PRDM13: variants seen among roughly 807,000 people sequenced by gnomAD.
PRDM13 encodes PR/SET domain 13, also known as PR domain zinc finger protein 13.
PRDM13 carries 15 observed loss-of-function variants against 36.4 expected under a neutral mutation model. The observed-to-expected ratio is 0.41, with a 90% CI of 0.28 to 0.64. The LOEUF (loss-of-function observed/expected upper bound fraction) is 0.64, where lower values mean the gene tolerates loss of function less well. Ranked by LOEUF, PRDM13 falls within the 30% of genes least tolerant of loss-of-function variation. PRDM13 has a pLI of 0.29. For synonymous variants in PRDM13, 531 were observed against 467.7 expected (o/e 1.14, Z -1.75); for missense variants, 1,044 against 1,013.5 (o/e 1.03, Z -0.41).
chr6:99,612,895 G>C, intron 3 of PRDM13, 138 bp from the exon 4 acceptor site: 2 of 1,464,558 alleles, frequency 1.4e-6, no homozygotes, highest in Non-Finnish European at 1.8e-6. Flanking sequence ...CGATACAGTA[G>C]GGCTACCGAA....
chr6:99,613,814 C>A lies in PRDM13; in HGVS notation c.1179C>A (p.Ser393=), dbSNP rs1251051743. The A allele has an allele frequency of 5.3e-6, 8 of 1,510,524 alleles. No homozygotes were observed. The highest frequency in any genetic ancestry group is 1.4e-5 in the African/African-American group (1 of 69,184). The allele number at this position is 1,510,524 out of a possible 1,614,324, so 93.6% of individuals were successfully genotyped here. A position where few individuals can be genotyped will look rare whatever the true frequency, so the allele number is the denominator to read the frequency against. The change falls in exon 4 of 4, where the codon TCC becomes TCA. Residue 393 remains serine (S), a synonymous_variant. Coordinates refer to ENST00000369215, the MANE Select transcript of PRDM13 (RefSeq NM_021620.4). This position sits in a 1 kb window ranked among gnomAD's most constrained non-coding sequence, Gnocchi z 6.1. ...CCCTGCGCGGCTTCCCTCTGCTCTCCGTCCCCCCGGAAGAGGCGTCCGCCT... is the reference window on the plus strand; with the variant it reads ...CCCTGCGCGGCTTCCCTCTGCTCTCAGTCCCCCCGGAAGAGGCGTCCGCCT... ...SGALRGFPLL[S]VPPEEASAFK...
rs897314122 is a variant in PRDM13, at chr6:99,609,263, G to T, written c.353G>T (p.Trp118Leu). ...TGGTATTCTAACTCCTTGGCTCAGT[G>T]GTTCGACATCCCCACCACAGCGACT... is the stretch of plus-strand genomic sequence containing the variant. ...TVWYSNSLAQ[W>L]FDIPTTATPT... The change falls in exon 3 of 4, where the codon TGG (tryptophan) becomes TTG (leucine). Residue 118 changes from tryptophan to leucine, a missense_variant. Coordinates refer to ENST00000369215, the MANE Select transcript of PRDM13 (RefSeq NM_021620.4). The T allele has an allele frequency of 3.1e-6, 5 of 1,613,908 alleles. No homozygotes were observed. Among genetic ancestry groups the T allele is most frequent in the African/African-American group, 1.3e-5 (1 of 74,882 alleles).
In PRDM13 at chr6:99,613,094, G is replaced by A. The variant is rs1324830792; in HGVS notation, c.459G>A (p.Lys153=). Reference sequence around the variant, plus strand: ...CGTTTAGATACCCCAACAGCCTTAAGGCACACCTGCGTTTCCACTGCGTGT... The same window carrying A: ...CGTTTAGATACCCCAACAGCCTTAAAGCACACCTGCGTTTCCACTGCGTGT... The part of the protein sequence containing the change: ...WRTFRYPNSL[K]AHLRFHCVFS... The change falls in exon 4 of 4, where the codon AAG becomes AAA. Residue 153 remains lysine (K), a synonymous_variant. Coordinates refer to ENST00000369215, the MANE Select transcript of PRDM13 (RefSeq NM_021620.4). This position sits in a 1 kb window ranked among gnomAD's most constrained non-coding sequence, Gnocchi z 6.1. 6.2e-7 allele frequency: 1 copy of A among 1,612,062 alleles called. No homozygotes were observed. Among genetic ancestry groups the A allele is most frequent in the South Asian group, 1.1e-5 (1 of 91,012 alleles).
chr6:99,607,331 T>G, intron 1 of PRDM13, 153 bp downstream of exon 1: 1 of 1,155,138 alleles, frequency 8.7e-7, no homozygotes, highest in Non-Finnish European at 1.2e-6. Flanking sequence ...TCTGAGCAAG[T>G]AGCCTCTTTA....
chr6:99,614,690 C>T lies in PRDM13; in HGVS notation c.2055C>T (p.Asp685=), dbSNP rs371900807. The change falls in exon 4 of 4, where the codon GAC becomes GAT. Residue 685 remains aspartate (D), a synonymous_variant. Coordinates refer to ENST00000369215, the MANE Select transcript of PRDM13 (RefSeq NM_021620.4). ...EPGDPKSDDS[D]VDVCFTDDQS... is the part of the protein sequence containing the mutation. ...GGGATCCCAAGAGCGACGACAGTGA[C>T]GTGGACGTCTGCTTCACAGACGACC... 3 of 1,609,328 alleles carry T rather than the reference C, an allele frequency of 1.9e-6. No individual in the cohort carries two copies. The highest frequency in any genetic ancestry group is 2.2e-5 in the East Asian group (1 of 44,812).
rs1770098430 is a variant in PRDM13 at position 99,614,524 on chromosome 6, A to G, written c.1889A>G (p.Tyr630Cys). The change falls in exon 4 of 4, where the codon TAC becomes TGC. Residue 630 changes from tyrosine to cysteine, a missense_variant. Transcript: ENST00000369215. ...CTGCACGCCGAGGGCAATACGCCCT[A>G]CCGCTGCGAGTTCTGCGGCAAGGTA... ...IRLHAEGNTP[Y>C]RCEFCGKVLV... is the part of the protein sequence containing the mutation. 6.2e-7 allele frequency: 1 copy of G among 1,613,040 alleles called. No individual in the cohort carries two copies. The highest frequency in any genetic ancestry group is 1.7e-5 in the Admixed American group (1 of 60,010).
chr6:99,607,904 A>G lies in PRDM13; in HGVS notation c.144+726A>G, dbSNP rs527957670. Reference sequence around the variant, plus strand: ...TAGCTTTGACTCCCACACTCCACACACCGTCGCGACCCCTGACCAGAGAGA... The same window carrying G: ...TAGCTTTGACTCCCACACTCCACACGCCGTCGCGACCCCTGACCAGAGAGA... On this transcript the variant is annotated intron_variant, in intron 1 of 3. Coordinates refer to ENST00000369215, the MANE Select transcript of PRDM13 (RefSeq NM_021620.4). Among the ~76,000 whole-genome samples, 285 of 152,266 alleles carry G rather than the reference A, an allele frequency of 1.9e-3. 1 individual carries two copies. Among genetic ancestry groups the G allele is most frequent in the Non-Finnish European group, 1.9e-3 (128 of 68,020 alleles).
rs1770067815 is a variant in PRDM13 at position 99,613,491 on chromosome 6, G to C, written c.856G>C (p.Ala286Pro). 3.9e-6 allele frequency: 6 copies of C among 1,528,584 alleles called. No individual in the cohort carries two copies. Among genetic ancestry groups the C allele is most frequent in the Non-Finnish European group, 5.2e-6 (6 of 1,146,466 alleles). 94.7% of individuals were successfully genotyped at this position (1,528,584 alleles called of 1,614,324 possible). ...CTCCTCGGCGGGGGTCGGCAGCCTG[G>C]CTTTCTACCCCGGCGTGCGCTCAGC... Reference protein sequence around the residue: ...GGSSAGVGSLAFYPGVRSAFK... With the variant: ...GGSSAGVGSLPFYPGVRSAFK... Residue 286 changes from alanine to proline, a missense_variant, in exon 4 of 4, where the codon GCT becomes CCT. Physicochemically the swap from Ala to Pro is conservative, Grantham distance 27 (BLOSUM62 -1). This residue lies in a region of PRDM13 where 921 missense variants were observed against 865.2 expected (regional missense o/e 1.06). Coordinates refer to ENST00000369215, the MANE Select transcript of PRDM13 (RefSeq NM_021620.4). The surrounding 1 kb of genome is among the most constrained non-coding windows in gnomAD (Gnocchi z 6.1).
At chr6:99,610,383 T>C (rs534954334) in intron 3 of PRDM13, among the ~76,000 whole-genome samples, 3 of 152,230 alleles carry the variant, frequency 2.0e-5, no homozygotes, top group Non-Finnish European at 4.4e-5. Context: ...TCTTTGACAA[T>C]TGTCTGTAAT....
chr6:99,609,015 A>G, intron 2 of PRDM13, 143 bp downstream of exon 2: 1 of 1,395,452 alleles, frequency 7.2e-7, no homozygotes, highest in Non-Finnish European at 9.6e-7. Context: ...CCTTTAAGGT[A>G]GTTACTATTG....
chr6:99,611,837 T>A (rs1470892625), intron 3 of PRDM13, among the ~76,000 whole-genome samples: 1 of 152,238 alleles, frequency 6.6e-6, no homozygotes, highest in Non-Finnish European at 1.5e-5. Context: ...AACTAACTTC[T>A]TTCTCAGACA....
At position 99,614,793 on chromosome 6, in the gene PRDM13, G is replaced by A. The variant is rs749953676; in HGVS notation, c.*34G>A. 2 of 1,527,450 alleles carry A rather than the reference G, an allele frequency of 1.3e-6. No individual in the cohort carries two copies. The highest frequency in any genetic ancestry group is 1.8e-6 in the Non-Finnish European group (2 of 1,140,864). 94.6% of individuals were successfully genotyped at this position (1,527,450 alleles called of 1,614,324 possible). A position where few individuals can be genotyped will look rare whatever the true frequency, so the allele number is the denominator to read the frequency against. ...CCCGGGAAGGGGCGGGGTGAGGACA[G>A]AGAGGAGTCGAGGGTTTATTCTCGC... is the stretch of plus-strand genomic sequence containing the variant. On this transcript the variant is annotated 3_prime_UTR_variant, in exon 4 of 4. Coordinates refer to ENST00000369215, the MANE Select transcript of PRDM13 (RefSeq NM_021620.4).
At chr6:99,609,082 A>G (rs1769994920) in intron 2 of PRDM13, 105 bp from the exon 3 acceptor site, 1 of 1,451,022 alleles carries the variant, frequency 6.9e-7, no homozygotes. Flanking sequence ...TAGCTTCTCC[A>G]GGGTCACACA....
In PRDM13 at chr6:99,614,181, G is replaced by T; in HGVS notation, c.1546G>T (p.Ala516Ser). Residue 516 changes from alanine to serine, a missense_variant, in exon 4 of 4, where the codon GCC becomes TCC. Physicochemically the swap from Ala to Ser is moderately conservative, Grantham distance 99. Coordinates refer to ENST00000369215, the MANE Select transcript of PRDM13 (RefSeq NM_021620.4). The part of the protein sequence containing the change: ...ALSPAELGSL[A>S]SIDREIAMHN... ...AAGCCCCGCCGAGCTGGGGTCGCTG[G>T]CCAGCATCGACCGAGAGATCGCCAT... The T allele has an allele frequency of 1.2e-6, 2 of 1,604,400 alleles. No homozygotes were observed. Among genetic ancestry groups the T allele is most frequent in the South Asian group, 1.1e-5 (1 of 90,738 alleles).
In PRDM13 at chr6:99,613,293, G is replaced by T; in HGVS notation, c.658G>T (p.Ala220Ser). Reference sequence around the variant, plus strand: ...CCCCCTGGGCCCGCCACCAGTTCAGGCCTGCGGTGCGCGGGAGGGCATCAA... The same window carrying T: ...CCCCCTGGGCCCGCCACCAGTTCAGTCCTGCGGTGCGCGGGAGGGCATCAA... ...PHPLGPPPVQ[A>S]CGAREGIKRE... Residue 220 changes from alanine to serine, a missense_variant, in exon 4 of 4, where the codon GCC becomes TCC. Physicochemically the swap from Ala to Ser is moderately conservative, Grantham distance 99 (BLOSUM62 1). Coordinates refer to ENST00000369215, the MANE Select transcript of PRDM13 (RefSeq NM_021620.4). The surrounding 1 kb of genome is among the most constrained non-coding windows in gnomAD (Gnocchi z 6.1). 1 of 1,580,348 alleles carries T rather than the reference G, an allele frequency of 6.3e-7. No homozygotes were observed.
chr6:99,612,010 G>A (rs1770037899), intron 3 of PRDM13, among the ~76,000 whole-genome samples: 1 of 152,102 alleles, frequency 6.6e-6, no homozygotes, highest in East Asian at 1.9e-4. Context: ...TCACAAACTC[G>A]GGCAAAATGA....
Position 99,609,186 on chromosome 6 carries a change from G to GGA in PRDM13, c.277-1_277insGA (p.Ile93GlufsTer16). 6.2e-7 allele frequency: 1 copy of GGA among 1,613,762 alleles called. No homozygotes were observed. The highest frequency in any genetic ancestry group is 8.5e-7 in the Non-Finnish European group (1 of 1,179,780). ...GAACTGTTCTATTCCTTGCGTCCCA[G>GGA]ATCTTCTACCGAGCATTGCGAGACG... is the stretch of plus-strand genomic sequence containing the variant. On this transcript the variant is annotated frameshift_variant and splice_region_variant. Coordinates refer to ENST00000369215, the MANE Select transcript of PRDM13 (RefSeq NM_021620.4). LOFTEE classifies it high-confidence loss of function.
In PRDM13 at chr6:99,609,250, T is replaced by A; in HGVS notation, c.340T>A (p.Ser114Thr). Reference sequence around the variant, plus strand: ...GGAGCTGACAGTGTGGTATTCTAACTCCTTGGCTCAGTGGTTCGACATCCC... The same window carrying A: ...GGAGCTGACAGTGTGGTATTCTAACACCTTGGCTCAGTGGTTCGACATCCC... ...GEELTVWYSNSLAQWFDIPTT... is the reference protein window; with the variant it reads ...GEELTVWYSNTLAQWFDIPTT... The change falls in exon 3 of 4, where the codon TCC (serine) becomes ACC (threonine). Residue 114 changes from serine (S) to threonine (T), a missense_variant. Around this residue, in one of 3 missense-constraint regions of PRDM13, gnomAD observed 921 missense variants for 865.2 expected, o/e 1.06. Coordinates refer to ENST00000369215, the MANE Select transcript of PRDM13 (RefSeq NM_021620.4). 6.2e-7 allele frequency: 1 copy of A among 1,613,746 alleles called. No homozygotes were observed. Among genetic ancestry groups the A allele is most frequent in the East Asian group, 2.2e-5 (1 of 44,856 alleles).
At position 99,613,260 on chromosome 6, in the gene PRDM13, C is replaced by A; in HGVS notation, c.625C>A (p.Arg209=). The change falls in exon 4 of 4, where the codon CGA becomes AGA. Residue 209 remains arginine, a synonymous_variant. Coordinates refer to ENST00000369215, the MANE Select transcript of PRDM13 (RefSeq NM_021620.4). The surrounding 1 kb of genome is among the most constrained non-coding windows in gnomAD (Gnocchi z 6.1). ...CGCGCCTTCCCAGGCAGGAACTTTGCGACCCCACCCCCTGGGCCCGCCACC... is the reference window on the plus strand; with the variant it reads ...CGCGCCTTCCCAGGCAGGAACTTTGAGACCCCACCCCCTGGGCCCGCCACC... ...FAAPSQAGTL[R]PHPLGPPPVQ... is the part of the protein sequence containing the mutation. 1 of 1,605,846 alleles carries A rather than the reference C, an allele frequency of 6.2e-7. No individual in the cohort carries two copies. Among genetic ancestry groups the A allele is most frequent in the South Asian group, 1.1e-5 (1 of 90,120 alleles).
Sources: gnomAD v4.1 joint callset for allele counts (sites outside exome capture counted in the v4.1 genomes callset) on GRCh38, gnomAD v4.1.1 for gene constraint, gnomAD v4.1.1 regional missense constraint, Gnocchi (gnomAD v3.1) non-coding constraint, MANE v1.5 for transcripts, NCBI Gene and HGNC (gene_info 2026-07-23, HGNC 2026-07-21) for gene names.